MELK: variants seen among roughly 807,000 people sequenced by gnomAD.
The protein encoded by MELK is maternal embryonic leucine zipper kinase.
A neutral mutation model predicts 85.0 loss-of-function variants in MELK; 81 were observed. The ratio of observed to expected loss-of-function variants is 0.95; its 90% CI spans 0.80 to 1.15. MELK has a LOEUF of 1.15. Ranked by LOEUF, MELK falls within the 50% of genes most tolerant of loss-of-function variation. The probability of loss-of-function intolerance (pLI) is 0.00; values close to 1 mark genes in which losing one functional copy is unlikely to be tolerated. For synonymous variants in MELK, 252 were observed against 265.0 expected, an observed-to-expected ratio of 0.95 and a Z score of 0.48; for missense variants, 754 against 777.5, an observed-to-expected ratio of 0.97 and a Z score of 0.36.
chr9:36,676,345 G>A (rs1165955777), intron 17 of MELK, among the ~76,000 whole-genome samples: 2 of 152,158 alleles, frequency 1.3e-5, no homozygotes, highest in Admixed American at 6.5e-5. Flanking sequence ...TTAGGGAATT[G>A]AAACTTAAAA....
At position 36,607,558 on chromosome 9, in the gene MELK, T is replaced by C; in HGVS notation, c.568-17T>C. The C allele has an allele frequency of 6.3e-7, 1 of 1,575,780 alleles. No homozygotes were observed. The highest frequency in any genetic ancestry group is 1.1e-5 in the South Asian group (1 of 89,746). ...ATTTTTGTTTCAGTAATTTTTCTTT[T>C]TCCCTCTTTCTCTCAGGCAGATGTT... On this transcript the variant is annotated splice_polypyrimidine_tract_variant and intron_variant, in intron 7 of 17. Coordinates refer to ENST00000298048, the MANE Select transcript of MELK (RefSeq NM_014791.4).
chr9:36,594,899 CT>C, intron 5 of MELK, 128 bp downstream of exon 5: 2 of 997,228 alleles, frequency 2.0e-6, no homozygotes, highest in Non-Finnish European at 2.8e-6. Context: ...CCAGTCATAC[CT>C]ATCAGATTTC....
chr9:36,645,789 A>G (rs1830167538), intron 11 of MELK, among the ~76,000 whole-genome samples: 1 of 152,200 alleles, frequency 6.6e-6, no homozygotes, highest in Non-Finnish European at 1.5e-5. Context: ...AGAGTCGAGA[A>G]GCAGTGCTCT....
intron 10 of MELK, among the ~76,000 whole-genome samples, chr9:36,633,555 CTACTTCCCAGAGAAGTTATGAGGG>C (rs1828848329): frequency 6.6e-6 from 1 of 152,176 alleles, no homozygotes; most frequent in Admixed American, 6.5e-5. Flanking sequence ...TAAACCAGTT[CTACTTCCCAGAGAAGTTATGAGGG>C]TACAGTAGTT....
chr9:36,668,727 C>A (rs528172324), intron 14 of MELK, among the ~76,000 whole-genome samples: 85 of 152,110 alleles, frequency 5.6e-4, no homozygotes, highest in Non-Finnish European at 9.8e-4. Flanking sequence ...GTTGGCCAGG[C>A]TGGTCTCGAA....
chr9:36,636,768 C>CT (rs1272500976), intron 10 of MELK, among the ~76,000 whole-genome samples: 1 of 124,024 alleles, frequency 8.1e-6, no homozygotes, highest in Non-Finnish European at 1.6e-5. Context: ...TTCTTTCTTT[C>CT]TTTCTTTCTT....
rs573372953 is a variant in MELK at position 36,663,743 on chromosome 9, GTGTC to G, written c.1177-1597_1177-1594del. Reference sequence around the variant, plus strand: ...TATGGTTGAATAGTATTCTATCTGTGTGTCTGTCTGTCTATCTATCTCACATTTC... The same window carrying G: ...TATGGTTGAATAGTATTCTATCTGTGTGTCTGTCTATCTATCTCACATTTC... On this transcript the variant is annotated intron_variant, in intron 13 of 17. Coordinates refer to ENST00000298048, the MANE Select transcript of MELK (RefSeq NM_014791.4). Among the ~76,000 whole-genome samples the G allele has an allele frequency of 4.7e-3, 713 of 152,284 alleles. 8 individuals carry two copies. Among genetic ancestry groups the G allele is most frequent in the African/African-American group, 0.016 (670 of 41,546 alleles).
chr9:36,603,528 C>T (rs901652990), intron 7 of MELK, among the ~76,000 whole-genome samples: 77 of 151,768 alleles, frequency 5.1e-4, no homozygotes, highest in African/African-American at 1.7e-3. Flanking sequence ...ACCTCCTAGA[C>T]TCAAGCAGTC....
Position 36,665,544 on chromosome 9 carries a change from A to T in MELK, c.1371A>T (p.Ile457=). Residue 457 remains isoleucine, a synonymous_variant, in exon 14 of 18, where the codon ATA becomes ATT. Transcript: ENST00000298048. ...ATAAGAACCAGCATAAGAGAGAAAT[A>T]CTCACTACGCCAAATCGTTACACTA... ...PVNKNQHKRE[I]LTTPNRYTTP... The T allele has an allele frequency of 6.2e-7, 1 of 1,613,720 alleles. No individual in the cohort carries two copies. Among genetic ancestry groups the T allele is most frequent in the Non-Finnish European group, 8.5e-7 (1 of 1,179,760 alleles).
chr9:36,584,796 C>T (rs944145161), intron 3 of MELK, among the ~76,000 whole-genome samples: 4 of 150,378 alleles, frequency 2.7e-5, no homozygotes, highest in African/African-American at 9.8e-5. Flanking sequence ...CAGCTCACTG[C>T]AGCCTGTACC....
chr9:36,615,465 G>A (rs1290150049), intron 8 of MELK, among the ~76,000 whole-genome samples: 4 of 136,908 alleles, frequency 2.9e-5, no homozygotes, highest in African/African-American at 5.7e-5. Context: ...CCTCCCTCCC[G>A]GATGGGGCGG....
chr9:36,586,301 C>T (rs998003359), intron 3 of MELK, among the ~76,000 whole-genome samples: 2 of 150,860 alleles, frequency 1.3e-5, no homozygotes, highest in African/African-American at 2.4e-5. Flanking sequence ...GAGATGGTGC[C>T]GCTGCACTCC....
At chr9:36,675,707 TTGGTTATGATCTCC>T (rs1193920144) in intron 17 of MELK, among the ~76,000 whole-genome samples, 1 of 152,166 alleles carries the variant, frequency 6.6e-6, no homozygotes, top group Admixed American at 6.5e-5. Context: ...CAAAGCCTCC[TTGGTTATGATCTCC>T]TGGTCTCAAT....
At chr9:36,599,522 C>T in intron 7 of MELK, 36 bp downstream of exon 7, 1 of 1,512,092 alleles carries the variant, frequency 6.6e-7, no homozygotes, top group Non-Finnish European at 9.2e-7. Context: ...ATATAATCAG[C>T]AGACATTTAT....
chr9:36,627,473 C>T (rs1431233697), intron 8 of MELK, among the ~76,000 whole-genome samples: 1 of 151,044 alleles, frequency 6.6e-6, no homozygotes, highest in Non-Finnish European at 1.5e-5. Context: ...TTTTTATTCC[C>T]TTTATCGAAA....
intron 12 of MELK, among the ~76,000 whole-genome samples, chr9:36,652,105 GGCAT>G (rs1830769004): frequency 7.8e-6 from 1 of 128,018 alleles, no homozygotes; most frequent in Non-Finnish European, 1.6e-5. Context: ...GGAGTGCAGT[GGCAT>G]GACCTCAGCT....
At chr9:36,670,775 G>A (rs1564234036) in intron 15 of MELK, among the ~76,000 whole-genome samples, 2 of 151,810 alleles carry the variant, frequency 1.3e-5, no homozygotes, top group African/African-American at 2.4e-5. Context: ...AAAAGGAAGG[G>A]GATAAATAGT....
chr9:36,595,290 A>G (rs1427224989), intron 5 of MELK, among the ~76,000 whole-genome samples: 1 of 150,842 alleles, frequency 6.6e-6, no homozygotes, highest in Non-Finnish European at 1.5e-5. Flanking sequence ...CGCCTGCCAC[A>G]ACACCCGGCT....
intron 7 of MELK, among the ~76,000 whole-genome samples, chr9:36,606,573 T>C (rs1355022437): frequency 7.0e-6 from 1 of 142,354 alleles, no homozygotes; most frequent in Non-Finnish European, 1.5e-5. Context: ...TAATATATAA[T>C]ATATACATAT....
Sources: gnomAD v4.1 joint callset for allele counts (sites outside exome capture counted in the v4.1 genomes callset) on GRCh38, gnomAD v4.1.1 for gene constraint, MANE v1.5 for transcripts, NCBI Gene and HGNC (gene_info 2026-07-23, HGNC 2026-07-21) for gene names.